Variants in DNAH11 observed in about 807,000 individuals in gnomAD.
DNAH11 encodes the protein dynein axonemal heavy chain 11.
In DNAH11, 442 loss-of-function variants were observed where a neutral mutation model predicts 526.0. That is an observed-to-expected ratio of 0.84 (90% CI 0.78 to 0.91). The LOEUF is 0.91. Among genes scored for constraint, DNAH11 ranks in the 40% least tolerant of loss-of-function variants. The probability of loss-of-function intolerance (pLI) is 0.00; values close to 1 mark genes in which losing one functional copy is unlikely to be tolerated. For synonymous variants in DNAH11, 2,461 were observed against 1,935.9 expected (o/e 1.27, Z -7.12); for missense variants, 6,989 against 5,448.7 (o/e 1.28, Z -8.90).
chr7:21,600,611 G>A, intron 15 of DNAH11, 65 bp from the exon 16 acceptor site: 2 of 1,486,272 alleles, frequency 1.3e-6, no homozygotes, highest in Admixed American at 2.2e-5. Flanking sequence ...GTAATGTTAT[G>A]TTGTAGATAA....
At chr7:21,897,225 A>G (rs1251548523) in intron 79 of DNAH11, among the ~76,000 whole-genome samples, 1 of 150,754 alleles carries the variant, frequency 6.6e-6, no homozygotes, top group African/African-American at 2.4e-5. Context: ...ACTTACAAGT[A>G]AGTATTTTCT....
chr7:21,563,056 C>A (rs1019771738), intron 5 of DNAH11, among the ~76,000 whole-genome samples: 4 of 152,066 alleles, frequency 2.6e-5, no homozygotes, highest in Admixed American at 6.6e-5. Context: ...GCCTTGGGAG[C>A]AAAATGGAAT....
intron 46 of DNAH11, 114 bp downstream of exon 46, chr7:21,735,958 G>T (rs1337894360): frequency 7.0e-6 from 7 of 995,138 alleles, no homozygotes; most frequent in Non-Finnish European, 8.7e-6. Context: ...TGTTGCTTGG[G>T]CCTTAGATGA....
intron 63 of DNAH11, among the ~76,000 whole-genome samples, chr7:21,810,603 G>A (rs900980339): frequency 2.0e-5 from 3 of 152,180 alleles, no homozygotes; most frequent in South Asian, 2.1e-4. Context: ...GGTAAGAGTC[G>A]CCACACAGCT....
Position 21,834,320 on chromosome 7 carries a change from A to G in DNAH11, c.10692-8224A>G, listed in dbSNP as rs114140530. On this transcript the variant is annotated intron_variant, in intron 65 of 81. Transcript: ENST00000409508. ...TTGAAACAAAGAAAAATGGAAGCAC[A>G]TACCAAAACCTATGGAACACAGCAA... Among the ~76,000 whole-genome samples the G allele has an allele frequency of 1.9e-3, 282 of 152,332 alleles. 1 individual carries two copies. Among genetic ancestry groups the G allele is most frequent in the African/African-American group, 6.4e-3 (267 of 41,584 alleles).
chr7:21,814,360 A>ATTTTTTTTTTTTTTTTTTTTTTT (rs1196430514), intron 63 of DNAH11, among the ~76,000 whole-genome samples: 1 of 148,748 alleles, frequency 6.7e-6, no homozygotes, highest in Non-Finnish European at 1.5e-5. Flanking sequence ...TTTTTTTTTT[A>ATTTTTTTTTTTTTTTTTTTTTTT]TTTTTTTATT....
Position 21,559,725 on chromosome 7 carries a change from T to C in DNAH11, c.815T>C (p.Leu272Ser). 6.2e-7 allele frequency: 1 copy of C among 1,609,652 alleles called. No individual in the cohort carries two copies. The change falls in exon 4 of 82, where the codon TTG (leucine) becomes TCG (serine). Residue 272 changes from leucine (L) to serine (S), a missense_variant. Transcript: ENST00000409508. ...SVQRLLNGLH[L>S]SPQAELDFWM... ...CAGCGTTTGTTGAATGGTCTTCACT[T>C]GTCTCCTCAAGCAGAACTAGATTTC...
At chr7:21,847,968 A>T (rs1479697467) in intron 66 of DNAH11, among the ~76,000 whole-genome samples, 3 of 151,992 alleles carry the variant, frequency 2.0e-5, no homozygotes, top group Non-Finnish European at 4.4e-5. Context: ...GATCGATACC[A>T]TCCTGGCTAA....
chr7:21,670,914 T>A (rs1782618450), intron 30 of DNAH11, among the ~76,000 whole-genome samples: 1 of 152,028 alleles, frequency 6.6e-6, no homozygotes, highest in African/African-American at 2.4e-5. Context: ...GGATTCTATT[T>A]GCTATTATTT....
At chr7:21,621,912 A>G (rs1786080553) in intron 25 of DNAH11, among the ~76,000 whole-genome samples, 1 of 152,112 alleles carries the variant, frequency 6.6e-6, no homozygotes, top group Non-Finnish European at 1.5e-5. Context: ...CTGGCACGAG[A>G]CAGGGATGCC....
chr7:21,543,710 C>A, intron 1 of DNAH11, 114 bp downstream of exon 1: 1 of 1,249,092 alleles, frequency 8.0e-7, no homozygotes, highest in Middle Eastern at 2.2e-4. Flanking sequence ...CTTTAACAAA[C>A]TTGGCTTGAA....
At chr7:21,875,464 C>T (rs2128039855) in intron 74 of DNAH11, among the ~76,000 whole-genome samples, 1 of 152,166 alleles carries the variant, frequency 6.6e-6, no homozygotes, top group Non-Finnish European at 1.5e-5. Context: ...TCTCATAAAA[C>T]TGTGGACACT....
intron 46 of DNAH11, 143 bp from the exon 47 acceptor site, chr7:21,738,558 C>T (rs1785720767): frequency 1.2e-5 from 9 of 740,758 alleles, no homozygotes; most frequent in South Asian, 4.3e-5. Flanking sequence ...AGACACATCC[C>T]GGGTCTCTTA....
At chr7:21,646,790 A>T (rs1284326689) in intron 28 of DNAH11, among the ~76,000 whole-genome samples, 1 of 152,206 alleles carries the variant, frequency 6.6e-6, no homozygotes, top group Non-Finnish European at 1.5e-5. Flanking sequence ...GTCCCACCAA[A>T]CAAGTCTTAA....
At chr7:21,576,405 G>A (rs529256393) in intron 8 of DNAH11, among the ~76,000 whole-genome samples, 1 of 152,264 alleles carries the variant, frequency 6.6e-6, no homozygotes, top group Admixed American at 6.5e-5. Flanking sequence ...TAGGGGAGAG[G>A]AGATAAAAGG....
chr7:21,648,079 G>A (rs1787441057), intron 28 of DNAH11, among the ~76,000 whole-genome samples: 2 of 152,130 alleles, frequency 1.3e-5, no homozygotes, highest in Admixed American at 1.3e-4. Flanking sequence ...TAATATATAT[G>A]TAAGTTTAAA....
In DNAH11 at chr7:21,859,146, C is replaced by G. The variant is rs1363275814; in HGVS notation, c.11203-2707C>G. Among the ~76,000 whole-genome samples, 25 of 152,100 alleles carry G rather than the reference C, an allele frequency of 1.6e-4. 2 individuals are homozygous for G. In the South Asian group the frequency reaches 5.2e-3, roughly 32 times the overall value. ...GTTTTGTTTTTGAGATGGAGTCTCA[C>G]TCTGTCACCCAGACTGGAATGTAGT... On this transcript the variant is annotated intron_variant, in intron 68 of 81. Coordinates refer to ENST00000409508, the MANE Select transcript of DNAH11 (RefSeq NM_001277115.2).
chr7:21,748,815 G>A (rs528910292), intron 52 of DNAH11, 73 bp downstream of exon 52: 19 of 1,459,584 alleles, frequency 1.3e-5, no homozygotes, highest in South Asian at 9.5e-5. Context: ...TAGTGCGCCC[G>A]TGTGGGCTGT....
intron 42 of DNAH11, among the ~76,000 whole-genome samples, chr7:21,716,114 G>A (rs1784652278): frequency 6.6e-6 from 1 of 152,032 alleles, no homozygotes; most frequent in African/African-American, 2.4e-5. Flanking sequence ...TGAAGTTACT[G>A]CTCCTAGTAA....
Sources: allele counts gnomAD v4.1 joint callset (sites outside exome capture counted in the v4.1 genomes callset), GRCh38; gene constraint gnomAD v4.1.1; transcripts MANE v1.5; gene names NCBI Gene and HGNC (gene_info 2026-07-23, HGNC 2026-07-21).